Variants in SGK3 observed in about 807,000 individuals in gnomAD.
The protein encoded by SGK3 is serum/glucocorticoid regulated kinase family member 3.
SGK3 carries 47 observed loss-of-function variants against 68.5 expected under a neutral mutation model. That is an observed-to-expected ratio of 0.69 (90% confidence interval 0.54 to 0.87). The LOEUF (loss-of-function observed/expected upper bound fraction) is 0.87, where lower values mean the gene tolerates loss of function less well. Among genes scored for constraint, SGK3 ranks in the 40% least tolerant of loss-of-function variants. SGK3 has a pLI of 0.00. For missense variants in SGK3, 479 were observed against 575.5 expected (o/e 0.83, Z 1.72); for synonymous variants, 181 against 189.1 (o/e 0.96, Z 0.35).
intron 1 of SGK3, among the ~76,000 whole-genome samples, chr8:66,732,481 C>CT (rs1805188355): frequency 1.4e-5 from 2 of 147,168 alleles, no homozygotes; most frequent in South Asian, 4.3e-4. Flanking sequence ...GTACGAGACT[C>CT]TGTCTCCAAA....
At position 66,744,531 on chromosome 8, in the gene SGK3, T is replaced by TGTTG. The variant is rs757878685; in HGVS notation, c.-122+31698_-122+31699insGTTG. 4.8e-4 allele frequency among the ~76,000 whole-genome samples: 52 copies of TGTTG among 107,674 alleles called. 2 individuals are homozygous for TGTTG. The highest frequency in any genetic ancestry group is 4.1e-3 in the Middle Eastern group (1 of 244). The allele number at this position is 107,674 out of a possible 152,430, so 70.6% of individuals were successfully genotyped here. On this transcript the variant is annotated intron_variant, in intron 1 of 16. Coordinates refer to ENST00000521198, the MANE Select transcript of SGK3 (RefSeq NM_001033578.3). ...TATATATATATATATTTTTTTTTTT[T>TGTTG]TTTTTTTTTTTTTTAGATGGAGTCT...
At position 66,839,785 on chromosome 8, in the gene SGK3, G is replaced by A; in HGVS notation, c.742-218G>A. The A allele has an allele frequency of 6.2e-6, 3 of 486,988 alleles. 1 individual carries two copies. In the South Asian group the frequency reaches 9.9e-5, roughly 16 times the overall value. The allele number at this position is 486,988 out of a possible 1,614,324, so 30.2% of individuals were successfully genotyped here. A position where few individuals can be genotyped will look rare whatever the true frequency, so the allele number is the denominator to read the frequency against. ...TGGGAGATGAGTGACATTAGCAAGG[G>A]TAAACAAAGACACGTGGTTGAAGAG... On this transcript the variant is annotated intron_variant, in intron 10 of 16. Transcript: ENST00000521198.
Position 66,847,310 on chromosome 8 carries a change from A to G in SGK3, c.1192A>G (p.Lys398Glu). ...AWSILEELLE[K>E]DRQNRLGAKE... ...GTCCATTCTGGAAGAACTCCTAGAA[A>G]AAGACAGGCAAAATCGACTTGGTGC... is the stretch of plus-strand genomic sequence containing the variant. The change falls in exon 15 of 17, where the codon AAA (lysine) becomes GAA (glutamate). Residue 398 changes from lysine (K) to glutamate (E), a missense_variant. By Grantham distance (56) the Lys-to-Glu change is moderately conservative (BLOSUM62 1). Around this residue, in one of 3 missense-constraint regions of SGK3, gnomAD observed 173 missense variants for 214.3 expected, o/e 0.81. Coordinates refer to ENST00000521198, the MANE Select transcript of SGK3 (RefSeq NM_001033578.3). The G allele has an allele frequency of 1.2e-6, 2 of 1,614,046 alleles. No homozygotes were observed. The highest frequency in any genetic ancestry group is 1.1e-5 in the South Asian group (1 of 91,050).
chr8:66,745,599 A>AAAAAC (rs1554593988), intron 1 of SGK3, among the ~76,000 whole-genome samples: 3,967 of 151,720 alleles, frequency 0.026, 185 homozygotes, highest in African/African-American at 0.089. Context: ...CAAAACAAAA[A>AAAAAC]AACAACAAAA....
chr8:66,836,037 AG>A lies in SGK3; in HGVS notation c.705del (p.Lys235AsnfsTer48). ...CATTATTCCTTCCAAACAACTGAAA[AG>A]CTTTATTTTGTTCTGGATTTTGTTA... ...GLHYSFQTTE[K>X]LYFVLDFVNG... On this transcript the variant is annotated frameshift_variant, in exon 10 of 17. Coordinates refer to ENST00000521198, the MANE Select transcript of SGK3 (RefSeq NM_001033578.3). LOFTEE classifies it high-confidence loss of function. The A allele has an allele frequency of 6.2e-7, 1 of 1,613,676 alleles. No homozygotes were observed. The highest frequency in any genetic ancestry group is 8.5e-7 in the Non-Finnish European group (1 of 1,179,828).
At chr8:66,735,022 C>T (rs150488476) in intron 1 of SGK3, among the ~76,000 whole-genome samples, 1 of 150,560 alleles carries the variant, frequency 6.6e-6, no homozygotes, top group African/African-American at 2.4e-5. Context: ...ACTTTTTTTA[C>T]TGTATGATGT....
At chr8:66,797,075 CTTTA>C (rs1481781101) in intron 2 of SGK3, among the ~76,000 whole-genome samples, 2 of 151,850 alleles carry the variant, frequency 1.3e-5, no homozygotes, top group African/African-American at 2.4e-5. Context: ...TTTTACAAGG[CTTTA>C]TTTGTCTTCT....
intron 2 of SGK3, among the ~76,000 whole-genome samples, 181 bp downstream of exon 2, chr8:66,794,013 C>G (rs545291322): frequency 6.6e-6 from 1 of 152,302 alleles, no homozygotes; most frequent in South Asian, 2.1e-4. Flanking sequence ...AATAAATTTT[C>G]CTTTTTTAGT....
chr8:66,819,824 T>C (rs576954456), intron 5 of SGK3, among the ~76,000 whole-genome samples: 39 of 145,790 alleles, frequency 2.7e-4, no homozygotes, highest in African/African-American at 8.5e-4. Context: ...TGTTTTTTGG[T>C]TTTTTTTTTT....
At chr8:66,822,588 A>C (rs186117891) in intron 6 of SGK3, 129 bp downstream of exon 6, 3 of 743,094 alleles carry the variant, frequency 4.0e-6, no homozygotes, top group Non-Finnish European at 6.3e-6. Context: ...TAGAACACAT[A>C]AAAACAAATG....
chr8:66,850,708 CACATGTTCCTAAAAA>C (rs1166207904), intron 15 of SGK3, 108 bp from the exon 16 acceptor site: 15 of 850,928 alleles, frequency 1.8e-5, no homozygotes, highest in East Asian at 8.0e-5. Context: ...AAATAACATA[CACATGTTCCTAAAAA>C]GAGTTATTGA....
chr8:66,775,905 A>C (rs1464839635), intron 1 of SGK3, among the ~76,000 whole-genome samples: 5 of 151,818 alleles, frequency 3.3e-5, no homozygotes, highest in Non-Finnish European at 7.3e-5. Context: ...CAATTTGCCT[A>C]ACTTTTCTAT....
chr8:66,798,466 G>A (rs1448600721), intron 2 of SGK3, 76 bp from the exon 3 acceptor site: 3 of 1,342,058 alleles, frequency 2.2e-6, no homozygotes, highest in South Asian at 3.1e-5. Flanking sequence ...ATTAAAACAG[G>A]TTTCATGTAT....
intron 1 of SGK3, among the ~76,000 whole-genome samples, chr8:66,751,727 A>C (rs898789283): frequency 3.3e-5 from 5 of 151,250 alleles, no homozygotes; most frequent in African/African-American, 1.2e-4. Flanking sequence ...ATCTCTGATT[A>C]TTAAAAATCA....
At chr8:66,843,343 G>T in intron 13 of SGK3, 109 bp from the exon 14 acceptor site, 2 of 944,238 alleles carry the variant, frequency 2.1e-6, no homozygotes, top group Non-Finnish European at 3.2e-6. Flanking sequence ...TAGATAATTT[G>T]GTTTCAGTAT....
At chr8:66,775,521 G>A (rs1806669386) in intron 1 of SGK3, 1 of 152,276 alleles carries the variant, frequency 6.6e-6, no homozygotes, top group Non-Finnish European at 1.5e-5. Flanking sequence ...AGGAGAGGCG[G>A]GCTCCACACC....
At chr8:66,768,961 G>C (rs1331971380) in intron 1 of SGK3, among the ~76,000 whole-genome samples, 1 of 152,106 alleles carries the variant, frequency 6.6e-6, no homozygotes, top group Non-Finnish European at 1.5e-5. Context: ...CTGCTGTTAA[G>C]ACTTTATCAC....
intron 3 of SGK3, among the ~76,000 whole-genome samples, chr8:66,801,672 A>T (rs369167368): frequency 2.2e-4 from 33 of 150,926 alleles, no homozygotes; most frequent in Admixed American, 6.6e-4. Context: ...TCTCTCTCTC[A>T]CACACACACA....
chr8:66,798,673 A>T (rs1807802526), intron 3 of SGK3, 48 bp downstream of exon 3: 1 of 1,514,442 alleles, frequency 6.6e-7, no homozygotes, highest in Admixed American at 1.9e-5. Flanking sequence ...GCACCCGAGA[A>T]AACCCAAAAT....
Sources: allele counts gnomAD v4.1 joint callset (sites outside exome capture counted in the v4.1 genomes callset), GRCh38; gene constraint gnomAD v4.1.1; regional missense constraint gnomAD v4.1.1; transcripts MANE v1.5; gene names NCBI Gene and HGNC (gene_info 2026-07-23, HGNC 2026-07-21).